ZFAT: variants seen among roughly 807,000 people sequenced by gnomAD.
The protein encoded by ZFAT is zinc finger protein ZFAT.
A neutral mutation model predicts 117.7 loss-of-function variants in ZFAT; 64 were observed. The observed-to-expected ratio is 0.54, with a 90% CI of 0.44 to 0.67. The LOEUF is 0.67. Among genes scored for constraint, ZFAT ranks in the 30% least tolerant of loss-of-function variants. The pLI is 0.00. For missense variants in ZFAT, 1,433 were observed against 1,584.5 expected (o/e 0.90, Z 1.62); for synonymous variants, 679 against 615.0 (o/e 1.10, Z -1.54).
At chr8:134,817,390 T>TA in the ZFAT span, among the ~76,000 whole-genome samples, 3 of 111,654 alleles carry the variant, frequency 2.7e-5, no homozygotes, top group Admixed American at 9.3e-5. Context: ...TGTCTCTCTC[T>TA]CTCTACACAC....
the ZFAT span, among the ~76,000 whole-genome samples, chr8:134,799,447 T>C: frequency 1.3e-5 from 2 of 152,176 alleles, no homozygotes; most frequent in Non-Finnish European, 2.9e-5. Flanking sequence ...AACAAAGCTA[T>C]AAAAAATTAA....
intron 10 of ZFAT, among the ~76,000 whole-genome samples, chr8:134,571,358 C>T (rs1277427689): frequency 1.3e-5 from 2 of 152,208 alleles, no homozygotes; most frequent in Non-Finnish European, 2.9e-5. Context: ...GAGGTGAACA[C>T]AGCACTGGGA....
At chr8:134,810,696 A>C in the ZFAT span, among the ~76,000 whole-genome samples, 2 of 152,202 alleles carry the variant, frequency 1.3e-5, no homozygotes, top group African/African-American at 4.8e-5. Flanking sequence ...CCTACAACAT[A>C]AAAGAATAAA....
At chr8:134,493,653 T>G (rs545676723) in intron 15 of ZFAT, among the ~76,000 whole-genome samples, 3 of 152,344 alleles carry the variant, frequency 2.0e-5, no homozygotes, top group African/African-American at 7.2e-5. Context: ...CAGGGGGCAG[T>G]GCCTGGCACA....
Position 134,637,620 on chromosome 8 carries a change from G to T in ZFAT, c.289C>A (p.Pro97Thr). The stretch of plus-strand genomic sequence containing the variant: ...GGAGCCAGCGGGCTGTCCTCAGTCG[G>T]ACTCACGATGTTTTCTGCCAGCTCC... ...EEELAENIVS[P>T]TEDSPLAPEE... is the part of the protein sequence containing the mutation. The change falls in exon 3 of 16, where the codon CCG becomes ACG. Residue 97 changes from proline (P) to threonine (T), a missense_variant. Pro to Thr is a conservative substitution (Grantham distance 38). This residue lies in a region of ZFAT where 436 missense variants were observed against 482.0 expected (regional missense o/e 0.90). Transcript: ENST00000377838. 1 of 1,614,218 alleles carries T rather than the reference G, an allele frequency of 6.2e-7. No individual in the cohort carries two copies. Among genetic ancestry groups the T allele is most frequent in the Non-Finnish European group, 8.5e-7 (1 of 1,180,036 alleles).
At chr8:134,725,144 G>A in the ZFAT span, among the ~76,000 whole-genome samples, 1 of 152,060 alleles carries the variant, frequency 6.6e-6, no homozygotes, top group Non-Finnish European at 1.5e-5. Context: ...CATCCTTCCT[G>A]CCCGTTTCCT....
At chr8:134,773,973 C>T in the ZFAT span, among the ~76,000 whole-genome samples, 1 of 141,362 alleles carries the variant, frequency 7.1e-6, no homozygotes, top group Non-Finnish European at 1.5e-5. Flanking sequence ...AGCAGTAGAG[C>T]TTGAGGATTA....
chr8:134,712,724 CGGCGGCCGG>C (rs1472030346), intron 1 of ZFAT, 112 bp downstream of exon 1: 1 of 749,294 alleles, frequency 1.3e-6, no homozygotes, highest in Admixed American at 4.9e-5. Context: ...CCTCCGCGGC[CGGCGGCCGG>C]CGGCCGGCGG....
intron 10 of ZFAT, among the ~76,000 whole-genome samples, chr8:134,566,603 T>C (rs887605003): frequency 1.3e-4 from 20 of 152,124 alleles, no homozygotes; most frequent in African/African-American, 4.6e-4. Context: ...ACAAGTAGCT[T>C]CTAATGGTGT....
chr8:134,624,427 G>A lies in ZFAT; in HGVS notation c.448+13034C>T, dbSNP rs1034517325. On this transcript the variant is annotated intron_variant, in intron 3 of 15. Transcript: ENST00000377838. Reference sequence around the variant, plus strand: ...TCCCAGCACTTTGGGAGGCCAAGGCGAGCAGATCACCTGAGGTCAGGAGTT... The same window carrying A: ...TCCCAGCACTTTGGGAGGCCAAGGCAAGCAGATCACCTGAGGTCAGGAGTT... Among the ~76,000 whole-genome samples the A allele has an allele frequency of 1.8e-4, 27 of 151,926 alleles. 1 individual carries two copies. Among genetic ancestry groups the A allele is most frequent in the Admixed American group, 7.2e-4 (11 of 15,258 alleles).
At chr8:134,517,676 A>G (rs1820350124) in intron 13 of ZFAT, among the ~76,000 whole-genome samples, 1 of 152,192 alleles carries the variant, frequency 6.6e-6, no homozygotes, top group South Asian at 2.1e-4. Context: ...TCTGCATCCC[A>G]CAGCACATTT....
At chr8:134,600,987 C>G (rs986676073) in intron 6 of ZFAT, among the ~76,000 whole-genome samples, 1 of 152,146 alleles carries the variant, frequency 6.6e-6, no homozygotes, top group African/African-American at 2.4e-5. Flanking sequence ...TCTACCGGCC[C>G]TCCTGGGACA....
the ZFAT span, chr8:134,794,062 C>G: frequency 6.6e-6 from 1 of 152,150 alleles, no homozygotes; most frequent in Admixed American, 6.5e-5. Flanking sequence ...GTTGTATGAT[C>G]GCTTTTTCCT....
chr8:134,789,508 A>T, the ZFAT span, among the ~76,000 whole-genome samples: 1 of 152,134 alleles, frequency 6.6e-6, no homozygotes, highest in African/African-American at 2.4e-5. Context: ...TCCATTTTTC[A>T]CTCAAAAGTC....
At chr8:134,556,810 G>C (rs1331189228) in intron 11 of ZFAT, among the ~76,000 whole-genome samples, 3 of 152,034 alleles carry the variant, frequency 2.0e-5, no homozygotes, top group Non-Finnish European at 2.9e-5. Context: ...CCAAGCTAAA[G>C]ACAAATGTAT....
intron 1 of ZFAT, among the ~76,000 whole-genome samples, chr8:134,658,635 A>C (rs1386616004): frequency 2.6e-5 from 4 of 152,232 alleles, no homozygotes; most frequent in Non-Finnish European, 4.4e-5. Flanking sequence ...GGGAAATAAA[A>C]CACTCACTTT....
At chr8:134,522,994 G>C (rs1335271307) in intron 12 of ZFAT, among the ~76,000 whole-genome samples, 2 of 152,084 alleles carry the variant, frequency 1.3e-5, no homozygotes, top group Non-Finnish European at 2.9e-5. Flanking sequence ...ACCAGTTGTG[G>C]GTGAGAGTTC....
At chr8:134,669,408 C>T (rs1030926740) in intron 1 of ZFAT, among the ~76,000 whole-genome samples, 8 of 152,084 alleles carry the variant, frequency 5.3e-5, no homozygotes, top group South Asian at 2.1e-4. Flanking sequence ...GATCTCTCGG[C>T]GGAAACTCCA....
intron 10 of ZFAT, 146 bp from the exon 11 acceptor site, chr8:134,565,567 C>G: frequency 1.3e-6 from 1 of 783,068 alleles, no homozygotes; most frequent in Non-Finnish European, 2.2e-6. Context: ...ACGAGGTGCA[C>G]AGGCACAATG....
Sources: gnomAD v4.1 joint callset for allele counts (sites outside exome capture counted in the v4.1 genomes callset) on GRCh38, gnomAD v4.1.1 for gene constraint, gnomAD v4.1.1 regional missense constraint, MANE v1.5 for transcripts, NCBI Gene and HGNC (gene_info 2026-07-23, HGNC 2026-07-21) for gene names.